The following TBC1D15 variants were observed in gnomAD, a reference collection of about 807,000 sequenced individuals.
TBC1D15 encodes GAP for RAB7.
TBC1D15 carries 39 observed loss-of-function variants against 95.4 expected under a neutral mutation model. That is an observed-to-expected ratio of 0.41 (90% CI 0.32 to 0.53). The LOEUF (loss-of-function observed/expected upper bound fraction) is 0.53, where lower values mean the gene tolerates loss of function less well. Among genes scored for constraint, TBC1D15 ranks in the 20% least tolerant of loss-of-function variants. The probability of loss-of-function intolerance (pLI) is 0.29; values close to 1 mark genes in which losing one functional copy is unlikely to be tolerated. For synonymous variants in TBC1D15, 258 were observed against 261.3 expected, an observed-to-expected ratio of 0.99 and a Z score of 0.12; for missense variants, 733 against 794.3, an observed-to-expected ratio of 0.92 and a Z score of 0.93.
In TBC1D15 at chr12:71,896,736, G is replaced by T. The variant is rs1210305988; in HGVS notation, c.1044G>T (p.Trp348Cys). The change falls in exon 9 of 17, where the codon TGG becomes TGT. Residue 348 changes from tryptophan to cysteine, a missense_variant. Transcript: ENST00000485960. Reference protein sequence around the residue: ...AWKFLLGYFPWDSTKEERTQL... With the variant: ...AWKFLLGYFPCDSTKEERTQL... ...AATTTCTTCTGGGTTATTTTCCCTG[G>T]GACAGTACCAAGGAGGAAAGAACCC... 1 of 1,612,536 alleles carries T rather than the reference G, an allele frequency of 6.2e-7. No individual in the cohort carries two copies. The highest frequency in any genetic ancestry group is 8.5e-7 in the Non-Finnish European group (1 of 1,179,250).
chr12:71,873,714 T>G (rs1333478429), intron 3 of TBC1D15, among the ~76,000 whole-genome samples: 1 of 152,250 alleles, frequency 6.6e-6, no homozygotes, highest in Non-Finnish European at 1.5e-5. Context: ...GTCTACATCC[T>G]CATCAACACT....
intron 2 of TBC1D15, 81 bp downstream of exon 2, chr12:71,872,249 T>C: frequency 2.6e-6 from 2 of 766,542 alleles, no homozygotes; most frequent in Non-Finnish European, 4.0e-6. Context: ...AAAGTTTGAA[T>C]TTCATGTGTA....
chr12:71,877,225 A>T (rs1269650017), intron 3 of TBC1D15, among the ~76,000 whole-genome samples: 12 of 128,606 alleles, frequency 9.3e-5, no homozygotes, highest in African/African-American at 3.0e-4. Context: ...TTTTTTTTTT[A>T]AACCTCTCTA....
At chr12:71,845,392 G>A (rs1886038669) in intron 1 of TBC1D15, among the ~76,000 whole-genome samples, 1 of 152,226 alleles carries the variant, frequency 6.6e-6, no homozygotes, top group South Asian at 2.1e-4. Context: ...TAAGGGGCCA[G>A]TGTCAGAGGA....
intron 11 of TBC1D15, among the ~76,000 whole-genome samples, chr12:71,912,867 A>T (rs750003710): frequency 6.6e-6 from 1 of 152,134 alleles, no homozygotes; most frequent in East Asian, 1.9e-4. Flanking sequence ...AAGGCTTAGT[A>T]TAAGTTCGTG....
Position 71,923,363 on chromosome 12 carries a change from C to CCTG in TBC1D15, c.*159_*160insCTG. 1.6e-6 allele frequency: 1 copy of CCTG among 626,820 alleles called. No individual in the cohort carries two copies. Among genetic ancestry groups the CCTG allele is most frequent in the South Asian group, 2.6e-5 (1 of 39,038 alleles). 38.8% of individuals were successfully genotyped at this position (626,820 alleles called of 1,614,324 possible). ...CATTAAAGCTTTACAAAGATTTAAA[C>CCTG]TAATTATTTTTGTAGTTACTTCTAC... On this transcript the variant is annotated 3_prime_UTR_variant, in exon 17 of 17. Coordinates refer to ENST00000485960, the MANE Select transcript of TBC1D15 (RefSeq NM_001146213.3).
At chr12:71,866,109 G>T (rs1891441114) in intron 1 of TBC1D15, among the ~76,000 whole-genome samples, 1 of 152,096 alleles carries the variant, frequency 6.6e-6, no homozygotes, top group South Asian at 2.1e-4. Context: ...GGCCCCACAG[G>T]GAAGGGTGTA....
At chr12:71,873,645 C>A (rs4760746) in intron 3 of TBC1D15, among the ~76,000 whole-genome samples, 60,000 of 152,022 alleles carry the variant, frequency 0.39, 14,037 homozygotes, top group African/African-American at 0.64. Context: ...GGAACTGCCA[C>A]ACTTTTTCAG....
At chr12:71,877,633 C>T (rs1194414312) in intron 3 of TBC1D15, among the ~76,000 whole-genome samples, 1 of 150,460 alleles carries the variant, frequency 6.6e-6, no homozygotes, top group Admixed American at 6.7e-5. Context: ...TTTTCTATTG[C>T]CTTTTTCATT....
chr12:71,889,003 A>C (rs1896762310), intron 5 of TBC1D15, among the ~76,000 whole-genome samples: 1 of 152,138 alleles, frequency 6.6e-6, no homozygotes, highest in South Asian at 2.1e-4. Flanking sequence ...AATAAGACAT[A>C]TGGCAATATA....
chr12:71,879,155 G>A lies in TBC1D15; in HGVS notation c.205-1314G>A, dbSNP rs538462194. Among the ~76,000 whole-genome samples, 90 of 146,108 alleles carry A rather than the reference G, an allele frequency of 6.2e-4. 1 individual carries two copies. Among genetic ancestry groups the A allele is most frequent in the Non-Finnish European group, 9.4e-4 (63 of 66,906 alleles). On this transcript the variant is annotated intron_variant, in intron 3 of 16. Coordinates refer to ENST00000485960, the MANE Select transcript of TBC1D15 (RefSeq NM_001146213.3). ...TCTCTCTTTTTTTTTTTTTGGAGAC[G>A]CAGTTTCGCTCTTGTCACCTAGGCT...
intron 3 of TBC1D15, among the ~76,000 whole-genome samples, chr12:71,874,232 T>C (rs1592736287): frequency 6.6e-6 from 1 of 152,182 alleles, no homozygotes; most frequent in Non-Finnish European, 1.5e-5. Flanking sequence ...TCTGAGGTAA[T>C]GGGAGTTAGG....
intron 11 of TBC1D15, 137 bp downstream of exon 11, chr12:71,907,275 C>G: frequency 3.8e-6 from 2 of 519,490 alleles, no homozygotes; most frequent in East Asian, 6.4e-5. Context: ...GGACTGGAAA[C>G]TTACAAGGCT....
At chr12:71,912,976 A>G (rs1902769048) in intron 11 of TBC1D15, among the ~76,000 whole-genome samples, 1 of 152,146 alleles carries the variant, frequency 6.6e-6, no homozygotes, top group African/African-American at 2.4e-5. Flanking sequence ...AGGAAGTAAA[A>G]AAGAAGTTTG....
chr12:71,845,821 C>T (rs1011789844), intron 1 of TBC1D15, among the ~76,000 whole-genome samples: 1 of 152,142 alleles, frequency 6.6e-6, no homozygotes, highest in Admixed American at 6.6e-5. Context: ...TAATTTTACC[C>T]TGAACTTACT....
chr12:71,848,311 G>T (rs915205767), intron 1 of TBC1D15, among the ~76,000 whole-genome samples: 1 of 152,182 alleles, frequency 6.6e-6, no homozygotes, highest in African/African-American at 2.4e-5. Flanking sequence ...TCCACTGGCA[G>T]TGTATGAAAG....
chr12:71,910,653 G>A (rs1471002748), intron 11 of TBC1D15, among the ~76,000 whole-genome samples: 2 of 151,938 alleles, frequency 1.3e-5, no homozygotes, highest in Non-Finnish European at 2.9e-5. Flanking sequence ...TCATGATTTG[G>A]CTCTCTGTTT....
Position 71,868,322 on chromosome 12 carries a change from C to T in TBC1D15, c.31-3748C>T, listed in dbSNP as rs543890410. Among the ~76,000 whole-genome samples the T allele has an allele frequency of 4.6e-5, 7 of 151,594 alleles. No individual in the cohort carries two copies. In the East Asian group the frequency reaches 9.7e-4, roughly 21 times the overall value. On this transcript the variant is annotated intron_variant, in intron 1 of 16. Transcript: ENST00000485960. ...GTGCGGTAGCACGATCTCGGCTCAC[C>T]GCAAGCTCTGCATCCTGGGTTCACT...
intron 12 of TBC1D15, among the ~76,000 whole-genome samples, chr12:71,917,287 A>T (rs1903942929): frequency 6.6e-6 from 1 of 152,242 alleles, no homozygotes; most frequent in Admixed American, 6.5e-5. Flanking sequence ...CTTTAAAATG[A>T]AATACATACT....
Sources: allele counts gnomAD v4.1 joint callset (sites outside exome capture counted in the v4.1 genomes callset), GRCh38; gene constraint gnomAD v4.1.1; transcripts MANE v1.5; gene names NCBI Gene and HGNC (gene_info 2026-07-23, HGNC 2026-07-21).